Variants in CNTN6 observed in about 807,000 individuals in gnomAD.
CNTN6 encodes contactin 6, also known as contactin-6.
In CNTN6, 137 loss-of-function variants were observed where a neutral mutation model predicts 122.8. The ratio of observed to expected loss-of-function variants is 1.12; its 90% CI spans 0.97 to 1.29. CNTN6 has a LOEUF of 1.29. Among genes scored for constraint, CNTN6 ranks in the 50% most tolerant of loss-of-function variants. The probability of loss-of-function intolerance (pLI) is 0.00; values close to 1 mark genes in which losing one functional copy is unlikely to be tolerated. For synonymous variants in CNTN6, 570 were observed against 426.0 expected (o/e 1.34, Z -4.16); for missense variants, 1,634 against 1,223.4 (o/e 1.34, Z -5.01).
At chr3:1,127,227 G>A (rs2125084722) in intron 1 of CNTN6, among the ~76,000 whole-genome samples, 1 of 151,742 alleles carries the variant, frequency 6.6e-6, no homozygotes, top group Middle Eastern at 3.4e-3. Flanking sequence ...TTCTAGCACA[G>A]TTTAATAATA....
At chr3:1,142,783 A>T (rs2092637498) in intron 1 of CNTN6, among the ~76,000 whole-genome samples, 1 of 152,024 alleles carries the variant, frequency 6.6e-6, no homozygotes, top group Non-Finnish European at 1.5e-5. Context: ...AGATTTGGTC[A>T]GCAGGCTATG....
At chr3:1,345,330 G>A (rs775830363) in intron 11 of CNTN6, among the ~76,000 whole-genome samples, 35 of 151,902 alleles carry the variant, frequency 2.3e-4, no homozygotes, top group Non-Finnish European at 4.6e-4. Context: ...TGGCCAGTCT[G>A]GTCTCGAACT....
intron 1 of CNTN6, among the ~76,000 whole-genome samples, chr3:1,140,323 G>A (rs576260486): frequency 6.6e-6 from 1 of 152,266 alleles, no homozygotes; most frequent in Admixed American, 6.5e-5. Context: ...ATGCTTTGGT[G>A]ATGTGTGCAG....
chr3:1,233,734 CAAAAAA>C (rs1166507455), intron 4 of CNTN6, among the ~76,000 whole-genome samples: 10 of 52,158 alleles, frequency 1.9e-4, no homozygotes, highest in East Asian at 5.6e-4. Context: ...GACTCTGTCT[CAAAAAA>C]AAAAAAAAAA....
intron 2 of CNTN6, among the ~76,000 whole-genome samples, chr3:1,151,233 G>T (rs2092835663): frequency 6.6e-6 from 1 of 152,082 alleles, no homozygotes; most frequent in Non-Finnish European, 1.5e-5. Context: ...TATCTTGCTG[G>T]TACTTGGTAG....
intron 4 of CNTN6, among the ~76,000 whole-genome samples, chr3:1,245,271 ATATACAC>A (rs1276006965): frequency 0.019 from 161 of 8,308 alleles, 18 homozygotes; most frequent in Non-Finnish European, 0.023. Flanking sequence ...ATATATATAT[ATATACAC>A]ACACATATAT....
chr3:1,351,796 C>A (rs1575819381), intron 11 of CNTN6, among the ~76,000 whole-genome samples: 1 of 151,872 alleles, frequency 6.6e-6, no homozygotes, highest in East Asian at 1.9e-4. Flanking sequence ...GGCCCTCTGG[C>A]CATGGAACCA....
At chr3:1,281,150 A>C (rs1435984302) in intron 5 of CNTN6, among the ~76,000 whole-genome samples, 2 of 152,204 alleles carry the variant, frequency 1.3e-5, no homozygotes, top group Non-Finnish European at 2.9e-5. Context: ...ACTCACACTC[A>C]GATGAAGAGA....
At chr3:1,263,423 CAGTT>C (rs929954873) in intron 4 of CNTN6, among the ~76,000 whole-genome samples, 46 of 152,230 alleles carry the variant, frequency 3.0e-4, no homozygotes, top group African/African-American at 9.1e-4. Context: ...TGACCAGACT[CAGTT>C]GGTTGTGCAG....
chr3:1,304,139 A>G (rs542369647), intron 7 of CNTN6, among the ~76,000 whole-genome samples: 15 of 152,302 alleles, frequency 9.8e-5, no homozygotes, highest in African/African-American at 3.4e-4. Context: ...GTACTTTACT[A>G]CTTATGTCTC....
chr3:1,147,364 T>C (rs2092745151), intron 1 of CNTN6, among the ~76,000 whole-genome samples: 1 of 152,116 alleles, frequency 6.6e-6, no homozygotes, highest in Non-Finnish European at 1.5e-5. Flanking sequence ...TAACTGAGCT[T>C]AATTGTCAAG....
intron 1 of CNTN6, among the ~76,000 whole-genome samples, chr3:1,132,505 A>G (rs551839251): frequency 2.6e-5 from 4 of 152,064 alleles, no homozygotes; most frequent in African/African-American, 7.2e-5. Flanking sequence ...CAGGAGGATC[A>G]TTTGAGACAA....
intron 4 of CNTN6, among the ~76,000 whole-genome samples, chr3:1,245,636 A>G (rs112751521): frequency 0.061 from 9,255 of 151,416 alleles, 365 homozygotes; most frequent in East Asian, 0.14. Flanking sequence ...ACCACTAAAA[A>G]GCTTATTCAT....
intron 20 of CNTN6, among the ~76,000 whole-genome samples, chr3:1,396,756 C>T (rs1021797231): frequency 9.2e-5 from 14 of 152,080 alleles, no homozygotes; most frequent in Admixed American, 3.3e-4. Context: ...CTTTAAGGGT[C>T]GTAGAAGGAC....
rs1260135096 is a variant in CNTN6, at chr3:1,240,704, A to G, written c.358+12711A>G. ...TACCCAGAGGAAAAGAAGTTATTAT[A>G]CTAAAAAAAAAAAAAGAAAAAAAAG... On this transcript the variant is annotated intron_variant, in intron 4 of 22. Coordinates refer to ENST00000446702, the MANE Select transcript of CNTN6 (RefSeq NM_001289080.2). 2.1e-5 allele frequency among the ~76,000 whole-genome samples: 3 copies of G among 145,682 alleles called. No homozygotes were observed. In the East Asian group the frequency reaches 5.8e-4, roughly 28 times the overall value.
chr3:1,190,823 T>TGGCA (rs2093691335), intron 2 of CNTN6, among the ~76,000 whole-genome samples: 1 of 152,202 alleles, frequency 6.6e-6, no homozygotes, highest in Non-Finnish European at 1.5e-5. Flanking sequence ...TTGGCTCACT[T>TGGCA]GGCAGCCTCT....
In CNTN6 at chr3:1,119,546, T is replaced by C. The variant is rs369842112; in HGVS notation, c.-83+26426T>C. ...TCATAGAAGACAGTGTGTTGAACACTGTTAGGCTAGTAACAAAAGAATGAG... is the reference window on the plus strand; with the variant it reads ...TCATAGAAGACAGTGTGTTGAACACCGTTAGGCTAGTAACAAAAGAATGAG... On this transcript the variant is annotated intron_variant, in intron 1 of 22. Coordinates refer to ENST00000446702, the MANE Select transcript of CNTN6 (RefSeq NM_001289080.2). 4.5e-3 allele frequency among the ~76,000 whole-genome samples: 683 copies of C among 152,060 alleles called. 5 individuals are homozygous for C. Among genetic ancestry groups the C allele is most frequent in the African/African-American group, 0.015 (633 of 41,490 alleles).
chr3:1,240,740 C>A (rs1377555869), intron 4 of CNTN6, among the ~76,000 whole-genome samples: 2 of 151,668 alleles, frequency 1.3e-5, no homozygotes, highest in Admixed American at 6.6e-5. Context: ...AAAAAAATTT[C>A]ATGTGTGTCC....
At position 1,266,949 on chromosome 3, in the gene CNTN6, C is replaced by CG. The variant is rs2094935393; in HGVS notation, c.359-11464_359-11463insG. Among the ~76,000 whole-genome samples the CG allele has an allele frequency of 5.5e-5, 5 of 90,392 alleles. No homozygotes were observed. In the South Asian group the frequency reaches 2.1e-3, roughly 38 times the overall value. The allele number at this position is 90,392 out of a possible 152,430, so 59.3% of individuals were successfully genotyped here. ...TGGGAAGCCAGTGGTCAGCCTGGCC[C>CG]TTTTTTTTTTTTTTTTTTTTTTTTG... On this transcript the variant is annotated intron_variant, in intron 4 of 22. Transcript: ENST00000446702.
Sources: gnomAD v4.1 joint callset for allele counts (sites outside exome capture counted in the v4.1 genomes callset) on GRCh38, gnomAD v4.1.1 for gene constraint, MANE v1.5 for transcripts, NCBI Gene and HGNC (gene_info 2026-07-23, HGNC 2026-07-21) for gene names.